Variants in SGCZ observed in about 807,000 individuals in gnomAD.
SGCZ encodes the protein sarcoglycan zeta.
Under a neutral mutation model 41.3 loss-of-function variants are expected in SGCZ, and 40 were observed. That is an observed-to-expected ratio of 0.97 (90% CI 0.75 to 1.26). SGCZ has a LOEUF of 1.26. Ranked by LOEUF, SGCZ falls within the 50% of genes most tolerant of loss-of-function variation. The pLI is 0.00. For synonymous variants in SGCZ, 206 were observed against 137.5 expected (o/e 1.50, Z -3.49); for missense variants, 552 against 369.8 (o/e 1.49, Z -4.04).
At chr8:14,627,302 T>C (rs1251637042) in intron 1 of SGCZ, among the ~76,000 whole-genome samples, 1 of 152,148 alleles carries the variant, frequency 6.6e-6, no homozygotes, top group African/African-American at 2.4e-5. Context: ...TGGGATATAT[T>C]AACACACAAA....
chr8:14,955,201 C>G (rs1462194170), intron 1 of SGCZ, among the ~76,000 whole-genome samples: 6 of 152,140 alleles, frequency 3.9e-5, no homozygotes, highest in Non-Finnish European at 2.9e-5. Context: ...TTCAAAACTT[C>G]CTATTTTCTA....
intron 1 of SGCZ, among the ~76,000 whole-genome samples, chr8:15,016,530 C>T (rs535694121): frequency 8.5e-5 from 13 of 152,268 alleles, no homozygotes; most frequent in Admixed American, 7.2e-4. Flanking sequence ...CTTCCAGGGG[C>T]GTAGACCAGG....
chr8:14,140,486 A>T (rs566907898), intron 5 of SGCZ, among the ~76,000 whole-genome samples: 1 of 152,322 alleles, frequency 6.6e-6, no homozygotes, highest in Admixed American at 6.5e-5. Context: ...AGGATACAAA[A>T]TCAATGTACA....
At chr8:14,296,452 G>C (rs1026424899) in intron 3 of SGCZ, among the ~76,000 whole-genome samples, 2 of 152,082 alleles carry the variant, frequency 1.3e-5, no homozygotes, top group African/African-American at 4.8e-5. Flanking sequence ...GTAAATATTT[G>C]AATGAATACT....
At chr8:14,441,684 C>T (rs1026515295) in intron 2 of SGCZ, among the ~76,000 whole-genome samples, 2 of 152,204 alleles carry the variant, frequency 1.3e-5, no homozygotes, top group African/African-American at 2.4e-5. Flanking sequence ...GCTTTGTACG[C>T]ATCTCACCAC....
At chr8:14,865,588 G>GA in intron 1 of SGCZ, among the ~76,000 whole-genome samples, 1 of 152,164 alleles carries the variant, frequency 6.6e-6, no homozygotes, top group East Asian at 1.9e-4. Flanking sequence ...CATTCTCCAC[G>GA]AATTAACCCA....
chr8:14,128,801 G>T (rs538565798), intron 5 of SGCZ, among the ~76,000 whole-genome samples: 31 of 152,150 alleles, frequency 2.0e-4, no homozygotes, highest in African/African-American at 7.2e-4. Context: ...TAACATGGAT[G>T]GAACTGAAGG....
chr8:15,157,429 A>G lies in SGCZ; in HGVS notation c.39+80156T>C, dbSNP rs1267906105. ...GCAAGACCGTCTCTTAAGGGGGAAA[A>G]AAAAAAAGTAGCCCGTAATTTTTTT... On this transcript the variant is annotated intron_variant, in intron 1 of 7. Transcript: ENST00000382080. Among the ~76,000 whole-genome samples the G allele has an allele frequency of 2.0e-5, 3 of 152,190 alleles. No individual in the cohort carries two copies. In the East Asian group the frequency reaches 5.8e-4, roughly 29 times the overall value.
intron 2 of SGCZ, among the ~76,000 whole-genome samples, chr8:14,515,967 C>T (rs907601621): frequency 7.2e-5 from 11 of 151,894 alleles, no homozygotes; most frequent in Non-Finnish European, 1.3e-4. Flanking sequence ...TTGGAAATAA[C>T]TTAGTAAGCA....
intron 1 of SGCZ, among the ~76,000 whole-genome samples, chr8:14,736,546 G>C (rs1350623991): frequency 6.6e-6 from 1 of 152,002 alleles, no homozygotes; most frequent in Non-Finnish European, 1.5e-5. Context: ...TTCTTCAGTG[G>C]TGATTTGTAA....
chr8:14,435,004 A>T (rs1202372893), intron 2 of SGCZ, among the ~76,000 whole-genome samples: 12 of 152,184 alleles, frequency 7.9e-5, no homozygotes, highest in Admixed American at 7.9e-4. Flanking sequence ...TTCATTATTT[A>T]AAAAAATAAT....
chr8:14,319,602 T>G (rs1365798673), intron 3 of SGCZ: 1 of 151,942 alleles, frequency 6.6e-6, no homozygotes, highest in East Asian at 1.9e-4. Flanking sequence ...ACTAATGAAC[T>G]GAGAAATGGA....
chr8:14,624,513 T>C (rs1806384381), intron 1 of SGCZ, among the ~76,000 whole-genome samples: 1 of 149,320 alleles, frequency 6.7e-6, no homozygotes, highest in Non-Finnish European at 1.5e-5. Context: ...GCAAAGGAAT[T>C]GTAAAGAAAC....
At chr8:14,601,906 G>A (rs1001857964) in intron 1 of SGCZ, among the ~76,000 whole-genome samples, 11 of 152,070 alleles carry the variant, frequency 7.2e-5, no homozygotes, top group Non-Finnish European at 1.6e-4. Context: ...GGATCACGAG[G>A]TCAGGAGATC....
intron 2 of SGCZ, among the ~76,000 whole-genome samples, chr8:14,379,034 G>A (rs1804256564): frequency 6.6e-6 from 1 of 151,994 alleles, no homozygotes; most frequent in African/African-American, 2.4e-5. Flanking sequence ...TTAATTAATG[G>A]AGAATAACTA....
At chr8:14,810,624 T>C (rs955941511) in intron 1 of SGCZ, among the ~76,000 whole-genome samples, 1 of 152,050 alleles carries the variant, frequency 6.6e-6, no homozygotes, top group Non-Finnish European at 1.5e-5. Flanking sequence ...CATCAGTTCA[T>C]TGGATATTGC....
intron 1 of SGCZ, among the ~76,000 whole-genome samples, chr8:14,708,934 G>T (rs1365300194): frequency 2.0e-5 from 3 of 151,804 alleles, no homozygotes; most frequent in African/African-American, 7.3e-5. Flanking sequence ...GAATGTGTTA[G>T]ACAAGTTTCT....
intron 1 of SGCZ, among the ~76,000 whole-genome samples, chr8:15,053,119 C>G (rs1341719785): frequency 6.6e-6 from 1 of 152,074 alleles, no homozygotes; most frequent in Non-Finnish European, 1.5e-5. Context: ...GTCTAGTTTG[C>G]AAAATTCCAA....
chr8:14,611,763 C>G (rs75740057), intron 1 of SGCZ, among the ~76,000 whole-genome samples: 1,980 of 151,986 alleles, frequency 0.013, 40 homozygotes, highest in African/African-American at 0.045. Context: ...AGACTGGAAA[C>G]AATACAAATT....
Sources: allele counts gnomAD v4.1 joint callset (sites outside exome capture counted in the v4.1 genomes callset), GRCh38; gene constraint gnomAD v4.1.1; transcripts MANE v1.5; gene names NCBI Gene and HGNC (gene_info 2026-07-23, HGNC 2026-07-21).